Variants in CDYL2 observed in about 807,000 individuals in gnomAD.
CDYL2 encodes the protein chromodomain Y-like protein 2.
Under a neutral mutation model 49.4 loss-of-function variants are expected in CDYL2, and 23 were observed. The observed-to-expected ratio is 0.47, with a 90% CI of 0.34 to 0.66. The LOEUF (loss-of-function observed/expected upper bound fraction) is 0.66, where lower values mean the gene tolerates loss of function less well. CDYL2 is among the 30% of genes least tolerant of loss of function. CDYL2 has a pLI of 0.01. For missense variants in CDYL2, 678 were observed against 656.4 expected (o/e 1.03, Z -0.36); for synonymous variants, 360 against 268.8 (o/e 1.34, Z -3.32).
intron 1 of CDYL2, among the ~76,000 whole-genome samples, chr16:80,727,287 A>G (rs1021412551): frequency 1.3e-5 from 2 of 152,220 alleles, no homozygotes; most frequent in East Asian, 1.9e-4. Context: ...TCACTCGGCA[A>G]GCGCAAGGGG....
chr16:80,695,652 A>G (rs529756684), intron 1 of CDYL2, among the ~76,000 whole-genome samples: 2 of 152,340 alleles, frequency 1.3e-5, no homozygotes, highest in South Asian at 4.1e-4. Flanking sequence ...GTAAAAAGCA[A>G]TAAAGGAGGT....
intron 1 of CDYL2, among the ~76,000 whole-genome samples, chr16:80,798,296 G>T (rs1044777931): frequency 1.3e-5 from 2 of 152,096 alleles, no homozygotes; most frequent in South Asian, 4.2e-4. Context: ...ACCTGCCTTG[G>T]CCTCCCACAG....
chr16:80,636,457 C>A (rs1359040602), intron 2 of CDYL2, among the ~76,000 whole-genome samples: 1 of 152,158 alleles, frequency 6.6e-6, no homozygotes, highest in Admixed American at 6.5e-5. Context: ...TGAAAAAAAG[C>A]TCATCATCAC....
chr16:80,616,697 C>T (rs1237527759), intron 4 of CDYL2, among the ~76,000 whole-genome samples: 1 of 152,206 alleles, frequency 6.6e-6, no homozygotes, highest in Admixed American at 6.5e-5. Flanking sequence ...CGCCCACTCC[C>T]TGGTCTTAGA....
In CDYL2 at chr16:80,604,281, G is replaced by A. The variant is rs974029598; in HGVS notation, c.*107C>T. On this transcript the variant is annotated 3_prime_UTR_variant, in exon 7 of 7. Transcript: ENST00000570137. The stretch of plus-strand genomic sequence containing the variant: ...CACGAGGAAATGGACACAACCCTAC[G>A]TATAAAGAGACACCTTGACAAACTC... 20 of 1,235,068 alleles carry A rather than the reference G, an allele frequency of 1.6e-5. No homozygotes were observed. Among genetic ancestry groups the A allele is most frequent in the East Asian group, 4.6e-5 (2 of 43,182 alleles). 76.5% of individuals were successfully genotyped at this position (1,235,068 alleles called of 1,614,324 possible).
intron 2 of CDYL2, among the ~76,000 whole-genome samples, chr16:80,653,331 G>A (rs1908667129): frequency 6.6e-6 from 1 of 152,134 alleles, no homozygotes; most frequent in Admixed American, 6.5e-5. Flanking sequence ...CGGGCATGGT[G>A]GTGCATGCCT....
chr16:80,614,179 T>C (rs1906723831), intron 4 of CDYL2, among the ~76,000 whole-genome samples: 1 of 152,166 alleles, frequency 6.6e-6, no homozygotes, highest in Non-Finnish European at 1.5e-5. Context: ...ACTGCAGAGG[T>C]GTGGCAATGG....
intron 1 of CDYL2, among the ~76,000 whole-genome samples, chr16:80,785,019 G>T (rs528440716): frequency 6.6e-6 from 1 of 152,126 alleles, no homozygotes; most frequent in Admixed American, 6.5e-5. Flanking sequence ...AAGAAAACGG[G>T]GAGTGGTGTT....
chr16:80,656,601 C>A (rs1908824478), intron 2 of CDYL2, among the ~76,000 whole-genome samples: 1 of 152,252 alleles, frequency 6.6e-6, no homozygotes, highest in African/African-American at 2.4e-5. Flanking sequence ...AGACTTCCAA[C>A]ATTCCCTCCT....
At chr16:80,613,605 C>T (rs1253671518) in intron 4 of CDYL2, among the ~76,000 whole-genome samples, 2 of 152,146 alleles carry the variant, frequency 1.3e-5, no homozygotes, top group African/African-American at 2.4e-5. Context: ...ATTTTCTCTC[C>T]CTGCCCTTCT....
At chr16:80,623,255 C>G (rs1421317656) in intron 3 of CDYL2, among the ~76,000 whole-genome samples, 1 of 152,174 alleles carries the variant, frequency 6.6e-6, no homozygotes, top group East Asian at 1.9e-4. Context: ...CGGTTGGGCA[C>G]AAGCTCCACT....
chr16:80,758,700 A>G (rs530356503), intron 1 of CDYL2, among the ~76,000 whole-genome samples: 303 of 151,234 alleles, frequency 2.0e-3, no homozygotes, highest in South Asian at 3.6e-3. Flanking sequence ...CCGCCACCAC[A>G]CCCAGCTAAT....
intron 1 of CDYL2, among the ~76,000 whole-genome samples, chr16:80,696,870 A>T (rs1910633004): frequency 6.6e-6 from 1 of 152,190 alleles, no homozygotes; most frequent in Non-Finnish European, 1.5e-5. Context: ...GGTGTCATGC[A>T]CTTAGAGACC....
chr16:80,766,994 A>G (rs1428197424), intron 1 of CDYL2, among the ~76,000 whole-genome samples: 1 of 152,202 alleles, frequency 6.6e-6, no homozygotes, highest in African/African-American at 2.4e-5. Context: ...ACTGAGGCAC[A>G]GAGAAGTTGG....
chr16:80,655,119 G>C (rs560225300), intron 2 of CDYL2, among the ~76,000 whole-genome samples: 38 of 152,320 alleles, frequency 2.5e-4, no homozygotes, highest in Admixed American at 5.2e-4. Context: ...GCTGGGGCCA[G>C]GCCAGGCCTT....
chr16:80,761,572 T>C (rs1906531177), intron 1 of CDYL2, among the ~76,000 whole-genome samples: 1 of 152,168 alleles, frequency 6.6e-6, no homozygotes, highest in Non-Finnish European at 1.5e-5. Flanking sequence ...CAGAATCACC[T>C]GCGGAGCCTT....
At chr16:80,757,030 G>A (rs2142378218) in intron 1 of CDYL2, among the ~76,000 whole-genome samples, 1 of 152,104 alleles carries the variant, frequency 6.6e-6, no homozygotes, top group Non-Finnish European at 1.5e-5. Context: ...AAAACCATGG[G>A]TAAGACTCCC....
chr16:80,704,036 G>A (rs1904326115), intron 1 of CDYL2, among the ~76,000 whole-genome samples: 1 of 152,216 alleles, frequency 6.6e-6, no homozygotes, highest in African/African-American at 2.4e-5. Flanking sequence ...ATTGGGAGGT[G>A]AAGGTGACCA....
chr16:80,728,749 T>C (rs1300626554), intron 1 of CDYL2, among the ~76,000 whole-genome samples: 1 of 152,134 alleles, frequency 6.6e-6, no homozygotes, highest in Non-Finnish European at 1.5e-5. Flanking sequence ...AGCGAGCGGA[T>C]CTCTCGGCAG....
Sources: allele counts gnomAD v4.1 joint callset (sites outside exome capture counted in the v4.1 genomes callset), GRCh38; gene constraint gnomAD v4.1.1; transcripts MANE v1.5; gene names NCBI Gene and HGNC (gene_info 2026-07-23, HGNC 2026-07-21).